FADD: variants seen among roughly 807,000 people sequenced by gnomAD.
FADD encodes the protein Fas associated via death domain.
FADD carries 3 observed loss-of-function variants against 5.8 expected under a neutral mutation model. The ratio of observed to expected loss-of-function variants is 0.52; its 90% CI spans 0.24 to 1.34. The LOEUF (loss-of-function observed/expected upper bound fraction) is 1.34, where lower values mean the gene tolerates loss of function less well. Ranked by LOEUF, FADD falls within the 40% of genes most tolerant of loss-of-function variation. FADD has a pLI of 0.17. For missense variants in FADD, 249 were observed against 286.7 expected (o/e 0.87, Z 0.95); for synonymous variants, 138 against 130.8 (o/e 1.06, Z -0.38).
At chr11:70,204,553 C>G (rs1374232546) in intron 1 of FADD, among the ~76,000 whole-genome samples, 1 of 152,196 alleles carries the variant, frequency 6.6e-6, no homozygotes. Context: ...GGACGCCTCT[C>G]AGAGGCTTCA....
chr11:70,205,818 C>T (rs988895226), intron 1 of FADD, among the ~76,000 whole-genome samples: 1 of 152,316 alleles, frequency 6.6e-6, no homozygotes. Context: ...CACAACTCCC[C>T]AGCCCCTCCC....
rs2049457709 is a variant in FADD at position 70,206,160 on chromosome 11, G to A, written c.314G>A (p.Cys105Tyr). The change falls in exon 2 of 2, where the codon TGT (cysteine) becomes TAT (tyrosine). Residue 105 changes from cysteine to tyrosine, a missense_variant. Cys to Tyr is a radical substitution (Grantham distance 194). Transcript: ENST00000301838. ...CTGTGTGCAGCATTTAACGTCATAT[G>A]TGATAATGTGGGGAAAGATTGGAGA... The part of the protein sequence containing the change: ...EDLCAAFNVI[C>Y]DNVGKDWRRL... The A allele has an allele frequency of 6.2e-6, 10 of 1,614,158 alleles. No homozygotes were observed. Among genetic ancestry groups the A allele is most frequent in the Non-Finnish European group, 7.6e-6 (9 of 1,180,016 alleles).
Position 70,206,817 on chromosome 11 carries a change from G to A in FADD, c.*344G>A, listed in dbSNP as rs2049465492. 1 of 332,372 alleles carries A rather than the reference G, an allele frequency of 3.0e-6. No homozygotes were observed. Among genetic ancestry groups the A allele is most frequent in the African/African-American group, 2.1e-5 (1 of 47,224 alleles). 20.6% of individuals were successfully genotyped at this position (332,372 alleles called of 1,614,324 possible). On this transcript the variant is annotated 3_prime_UTR_variant, in exon 2 of 2. Coordinates refer to ENST00000301838, the MANE Select transcript of FADD (RefSeq NM_003824.4). ...AGTCACACTGTTACTCCACAGCGGA[G>A]GAGACCAGCTCAGAGGCCCAGGAAT...
In FADD at chr11:70,206,378, C is replaced by G. The variant is rs776578138; in HGVS notation, c.532C>G (p.Gln178Glu). 14 of 1,614,136 alleles carry G rather than the reference C, an allele frequency of 8.7e-6. No homozygotes were observed. In the South Asian group the frequency reaches 1.5e-4, roughly 18 times the overall value. Residue 178 changes from glutamine (Q) to glutamate (E), a missense_variant, in exon 2 of 2, where the codon CAA (glutamine) becomes GAA (glutamate). Gln to Glu is a conservative substitution (Grantham distance 29, BLOSUM62 2). Transcript: ENST00000301838. ...GATGAACCTGGTGGCTGACCTGGTA[C>G]AAGAGGTTCAGCAGGCCCGTGACCT... ...CQMNLVADLV[Q>E]EVQQARDLQN... is the part of the protein sequence containing the mutation.
intron 1 of FADD, among the ~76,000 whole-genome samples, chr11:70,205,740 AC>A (rs1347267237): frequency 1.3e-5 from 2 of 152,162 alleles, no homozygotes; most frequent in African/African-American, 2.4e-5. Context: ...ACGTGAACAT[AC>A]CTTGGGGTGA....
rs149373917 is a variant in FADD, at chr11:70,207,118, G to A, written c.*645G>A. On this transcript the variant is annotated 3_prime_UTR_variant, in exon 2 of 2. Coordinates refer to ENST00000301838, the MANE Select transcript of FADD (RefSeq NM_003824.4). Reference sequence around the variant, plus strand: ...TGAGTTGAGTCTCCTCTCTGAGACTGCTAAGTAGGGGCAGTGATGGTTGCC... The same window carrying A: ...TGAGTTGAGTCTCCTCTCTGAGACTACTAAGTAGGGGCAGTGATGGTTGCC... 390 of 158,422 alleles carry A rather than the reference G, an allele frequency of 2.5e-3. 1 individual carries two copies. Among genetic ancestry groups the A allele is most frequent in the Non-Finnish European group, 3.8e-3 (270 of 71,266 alleles). The allele number at this position is 158,422 out of a possible 1,614,324, so 9.8% of individuals were successfully genotyped here.
In FADD at chr11:70,203,362, C is replaced by G; in HGVS notation, c.-98C>G. The G allele has an allele frequency of 6.6e-7, 1 of 1,525,576 alleles. No homozygotes were observed. The highest frequency in any genetic ancestry group is 8.8e-7 in the Non-Finnish European group (1 of 1,137,546). 94.5% of individuals were successfully genotyped at this position (1,525,576 alleles called of 1,614,324 possible). ...AGGTTCGGGGGTGGAATCCTTGGGC[C>G]GCTGGGCAAGCGGCGAGACCTGGCC... On this transcript the variant is annotated 5_prime_UTR_variant, in exon 1 of 2. Coordinates refer to ENST00000301838, the MANE Select transcript of FADD (RefSeq NM_003824.4).
At chr11:70,203,853 T>A in intron 1 of FADD, 108 bp downstream of exon 1, 1 of 495,878 alleles carries the variant, frequency 2.0e-6, no homozygotes, top group Non-Finnish European at 3.3e-6. Flanking sequence ...CGGGTTTGAT[T>A]TGCGTGGGTT....
At position 70,206,791 on chromosome 11, in the gene FADD, C is replaced by G. The variant is rs1249554736; in HGVS notation, c.*318C>G. The stretch of plus-strand genomic sequence containing the variant: ...CACAGAAGGAATCTGTGCAGATGAG[C>G]AGTCACACTGTTACTCCACAGCGGA... On this transcript the variant is annotated 3_prime_UTR_variant, in exon 2 of 2. Coordinates refer to ENST00000301838, the MANE Select transcript of FADD (RefSeq NM_003824.4). The G allele has an allele frequency of 4.1e-5, 16 of 392,746 alleles. No homozygotes were observed. The highest frequency in any genetic ancestry group is 2.0e-4 in the Admixed American group (5 of 25,310). The allele number at this position is 392,746 out of a possible 1,614,324, so 24.3% of individuals were successfully genotyped here. A position where few individuals can be genotyped will look rare whatever the true frequency, so the allele number is the denominator to read the frequency against.
At chr11:70,203,846 G>A in intron 1 of FADD, 101 bp downstream of exon 1, 1 of 522,262 alleles carries the variant, frequency 1.9e-6, no homozygotes, top group East Asian at 3.6e-5. Flanking sequence ...CCTTTGCCGG[G>A]TTTGATTTGC....
chr11:70,206,319 T>C lies in FADD; in HGVS notation c.473T>C (p.Val158Ala), dbSNP rs767435524. The change falls in exon 2 of 2, where the codon GTG (valine) becomes GCG (alanine). Residue 158 changes from valine (V) to alanine (A), a missense_variant. Coordinates refer to ENST00000301838, the MANE Select transcript of FADD (RefSeq NM_003824.4). ...AACACAGAGAAGGAGAACGCAACAGTGGCCCACCTGGTGGGGGCTCTCAGG... is the reference window on the plus strand; with the variant it reads ...AACACAGAGAAGGAGAACGCAACAGCGGCCCACCTGGTGGGGGCTCTCAGG... ...WKNTEKENAT[V>A]AHLVGALRSC... 1 of 1,614,142 alleles carries C rather than the reference T, an allele frequency of 6.2e-7. No individual in the cohort carries two copies. Among genetic ancestry groups the C allele is most frequent in the Non-Finnish European group, 8.5e-7 (1 of 1,180,008 alleles).
Position 70,206,604 on chromosome 11 carries a change from T to A in FADD, c.*131T>A. 2 of 809,818 alleles carry A rather than the reference T, an allele frequency of 2.5e-6. No individual in the cohort carries two copies. The highest frequency in any genetic ancestry group is 4.1e-6 in the Non-Finnish European group (2 of 493,686). The allele number at this position is 809,818 out of a possible 1,614,324, so 50.2% of individuals were successfully genotyped here. On this transcript the variant is annotated 3_prime_UTR_variant, in exon 2 of 2. Coordinates refer to ENST00000301838, the MANE Select transcript of FADD (RefSeq NM_003824.4). Reference sequence around the variant, plus strand: ...GCTGAGTGAGCCACAGACCACCTGCTTCTGAACTCAAGCTGCGTTTATTAA... The same window carrying A: ...GCTGAGTGAGCCACAGACCACCTGCATCTGAACTCAAGCTGCGTTTATTAA...
chr11:70,206,534 T>C lies in FADD; in HGVS notation c.*61T>C. The stretch of plus-strand genomic sequence containing the variant: ...CTACACAGCCTGGACTTTGGTTCTC[T>C]CCAGGAAGGTAGCCCAGCACTGTGA... On this transcript the variant is annotated 3_prime_UTR_variant, in exon 2 of 2. Transcript: ENST00000301838. 6.6e-7 allele frequency: 1 copy of C among 1,510,690 alleles called. No individual in the cohort carries two copies. The highest frequency in any genetic ancestry group is 9.1e-7 in the Non-Finnish European group (1 of 1,098,856). 93.6% of individuals were successfully genotyped at this position (1,510,690 alleles called of 1,614,324 possible). A position where few individuals can be genotyped will look rare whatever the true frequency, so the allele number is the denominator to read the frequency against.
chr11:70,206,555 T>C lies in FADD; in HGVS notation c.*82T>C. 7.5e-7 allele frequency: 1 copy of C among 1,335,464 alleles called. No individual in the cohort carries two copies. Among genetic ancestry groups the C allele is most frequent in the Non-Finnish European group, 1.1e-6 (1 of 950,274 alleles). 82.7% of individuals were successfully genotyped at this position (1,335,464 alleles called of 1,614,324 possible). ...TCTCTCCAGGAAGGTAGCCCAGCAC[T>C]GTGAAGACCCAGCAGGAAGCCAGGC... On this transcript the variant is annotated 3_prime_UTR_variant, in exon 2 of 2. Coordinates refer to ENST00000301838, the MANE Select transcript of FADD (RefSeq NM_003824.4).
chr11:70,207,084 G>A lies in FADD; in HGVS notation c.*611G>A, dbSNP rs1300052114. Reference sequence around the variant, plus strand: ...CTGGTTGGCCGTGGTCCAGCTCTTGGCCCCTGTGTGAGTTGAGTCTCCTCT... The same window carrying A: ...CTGGTTGGCCGTGGTCCAGCTCTTGACCCCTGTGTGAGTTGAGTCTCCTCT... On this transcript the variant is annotated 3_prime_UTR_variant, in exon 2 of 2. Transcript: ENST00000301838. 1.2e-5 allele frequency: 2 copies of A among 160,966 alleles called. No individual in the cohort carries two copies. Among genetic ancestry groups the A allele is most frequent in the Admixed American group, 1.1e-4 (2 of 17,654 alleles). 10.0% of individuals were successfully genotyped at this position (160,966 alleles called of 1,614,324 possible).
Position 70,206,461 on chromosome 11 carries a change from C to T in FADD, c.615C>T (p.Ser205=), listed in dbSNP as rs754602285. The T allele has an allele frequency of 1.4e-5, 22 of 1,613,580 alleles. No homozygotes were observed. Among genetic ancestry groups the T allele is most frequent in the Non-Finnish European group, 1.8e-5 (21 of 1,179,900 alleles). ...PMSWNSDAST[S]EAS ...CATGGAACTCAGACGCATCTACCTC[C>T]GAAGCGTCCTGATGGGCCGCTGCTT... Residue 205 remains serine, a synonymous_variant, in exon 2 of 2, where the codon TCC becomes TCT. Transcript: ENST00000301838.
At chr11:70,205,437 C>T (rs1565302011) in intron 1 of FADD, among the ~76,000 whole-genome samples, 1 of 152,110 alleles carries the variant, frequency 6.6e-6, no homozygotes, top group Non-Finnish European at 1.5e-5. Context: ...AGAAATCTAC[C>T]CCCTCAATCT....
rs561321000 is a variant in FADD, at chr11:70,203,772, C to T, written c.286+27C>T. 542 of 1,175,160 alleles carry T rather than the reference C, an allele frequency of 4.6e-4. 2 individuals carry two copies. The highest frequency in any genetic ancestry group is 8.8e-4 in the Admixed American group (21 of 23,838). 72.8% of individuals were successfully genotyped at this position (1,175,160 alleles called of 1,614,324 possible). On this transcript the variant is annotated intron_variant, in intron 1 of 1. Coordinates refer to ENST00000301838, the MANE Select transcript of FADD (RefSeq NM_003824.4). ...TGGGCGCGGGGCCGGGCCGGGGGAG[C>T]CAGGGCCTGGTCGCCCGGCTGTAGG... is the stretch of plus-strand genomic sequence containing the variant.
chr11:70,203,807 G>T, intron 1 of FADD, 62 bp downstream of exon 1: 4 of 833,426 alleles, frequency 4.8e-6, no homozygotes, highest in Non-Finnish European at 5.0e-6. Context: ...GTGCTGCGAG[G>T]CTCCTCCGGT....
Sources: gnomAD v4.1 joint callset for allele counts (sites outside exome capture counted in the v4.1 genomes callset) on GRCh38, gnomAD v4.1.1 for gene constraint, MANE v1.5 for transcripts, NCBI Gene and HGNC (gene_info 2026-07-23, HGNC 2026-07-21) for gene names.